The following RBM34 variants were observed in gnomAD, a reference collection of about 807,000 sequenced individuals.
RBM34 encodes RNA binding motif protein 34, also known as RNA-binding protein 34.
In RBM34, 39 loss-of-function variants were observed where a neutral mutation model predicts 44.6. That is an observed-to-expected ratio of 0.87 (90% CI 0.68 to 1.14). The LOEUF is 1.14. RBM34 is among the 50% of genes most tolerant of loss of function. RBM34 has a pLI of 0.00. For missense variants in RBM34, 572 were observed against 517.9 expected, an observed-to-expected ratio of 1.10 and a Z score of -1.01; for synonymous variants, 194 against 184.0, an observed-to-expected ratio of 1.05 and a Z score of -0.44.
intron 6 of RBM34, among the ~76,000 whole-genome samples, chr1:235,146,249 A>G (rs1379060969): frequency 6.6e-6 from 1 of 152,114 alleles, no homozygotes; most frequent in Non-Finnish European, 1.5e-5. Context: ...CCCGGCCTTC[A>G]GCATTATTTG....
At chr1:235,140,901 T>C (rs564677992) in intron 6 of RBM34, among the ~76,000 whole-genome samples, 4 of 148,016 alleles carry the variant, frequency 2.7e-5, no homozygotes, top group Non-Finnish European at 4.5e-5. Flanking sequence ...CTTGGAGAAC[T>C]TTTATGTCTA....
At chr1:235,149,388 C>CAAAA (rs1171671362) in intron 5 of RBM34, among the ~76,000 whole-genome samples, 1 of 57,994 alleles carries the variant, frequency 1.7e-5, no homozygotes, top group Non-Finnish European at 3.6e-5. Context: ...GACTCCGTCT[C>CAAAA]AAAAAAAAAA....
At chr1:235,142,043 GCA>G (rs1311510744) in intron 6 of RBM34, among the ~76,000 whole-genome samples, 3 of 152,142 alleles carry the variant, frequency 2.0e-5, no homozygotes, top group African/African-American at 7.2e-5. Flanking sequence ...TCACTCCAGG[GCA>G]CAGAGAAGAC....
intron 6 of RBM34, among the ~76,000 whole-genome samples, chr1:235,148,160 C>T (rs1273192579): frequency 6.6e-6 from 1 of 152,194 alleles, no homozygotes; most frequent in Non-Finnish European, 1.5e-5. Flanking sequence ...ACACTAAAAA[C>T]ATTCTTAAAA....
Position 235,137,880 on chromosome 1 carries a change from T to A in RBM34, c.846A>T (p.Ser282=), listed in dbSNP as rs1261730435. Residue 282 remains serine (S), a synonymous_variant, in exon 8 of 11, where the codon TCA becomes TCT. Coordinates refer to ENST00000408888, the MANE Select transcript of RBM34 (RefSeq NM_015014.4). ...RIRVDLASET[S]SRDKRSVFVG... ...AAACAAATCAAGTACTACTTACAGA[T>A]GAGGTCTCAGATGCGAGATCAACTC... 2 of 1,594,026 alleles carry A rather than the reference T, an allele frequency of 1.3e-6. No individual in the cohort carries two copies. The highest frequency in any genetic ancestry group is 1.7e-5 in the Admixed American group (1 of 59,422).
At chr1:235,140,383 C>A (rs905197671) in intron 6 of RBM34, among the ~76,000 whole-genome samples, 1 of 152,126 alleles carries the variant, frequency 6.6e-6, no homozygotes, top group Non-Finnish European at 1.5e-5. Context: ...TCGGAGCAGC[C>A]GGCCGGCCCT....
chr1:235,154,001 C>T (rs1276302873), intron 4 of RBM34, among the ~76,000 whole-genome samples: 1 of 152,158 alleles, frequency 6.6e-6, no homozygotes, highest in Admixed American at 6.5e-5. Flanking sequence ...AATCCCAGCA[C>T]TTTGGGAGGC....
intron 6 of RBM34, among the ~76,000 whole-genome samples, chr1:235,145,297 T>C (rs78360004): frequency 6.6e-6 from 1 of 151,462 alleles, no homozygotes; most frequent in African/African-American, 2.4e-5. Context: ...TTTTTTTTTT[T>C]GAGATAGGGT....
chr1:235,133,964 G>A (rs1661312034), intron 10 of RBM34, among the ~76,000 whole-genome samples: 1 of 152,150 alleles, frequency 6.6e-6, no homozygotes, highest in South Asian at 2.1e-4. Context: ...CCGTACTTAA[G>A]CAATCCTCCA....
At chr1:235,159,560 A>C (rs1489170792) in intron 3 of RBM34, among the ~76,000 whole-genome samples, 3 of 151,708 alleles carry the variant, frequency 2.0e-5, no homozygotes, top group South Asian at 2.1e-4. Context: ...AAAAAAAAAA[A>C]AAAATTTTTT....
chr1:235,133,578 G>A (rs932411416), intron 10 of RBM34, among the ~76,000 whole-genome samples: 3 of 152,118 alleles, frequency 2.0e-5, no homozygotes, highest in Non-Finnish European at 4.4e-5. Context: ...TGTAGTAATG[G>A]GTTGTTACTG....
At position 235,140,229 on chromosome 1, in the gene RBM34, G is replaced by A. The variant is rs577249767; in HGVS notation, c.702-2055C>T. Among the ~76,000 whole-genome samples the A allele has an allele frequency of 3.9e-5, 6 of 152,352 alleles. No homozygotes were observed. The East Asian group carries it at 1.2e-3, about 29-fold the overall frequency. On this transcript the variant is annotated intron_variant, in intron 6 of 10. Transcript: ENST00000408888. ...GCCCACCGCTGCGCTGTGGGAGCCCGTTTCTGGGCTGGCCAAGGCCGGAGC... is the reference window on the plus strand; with the variant it reads ...GCCCACCGCTGCGCTGTGGGAGCCCATTTCTGGGCTGGCCAAGGCCGGAGC...
Position 235,131,819 on chromosome 1 carries a change from CCTT to C in RBM34, c.1184_1186del (p.Glu395del). The C allele has an allele frequency of 5.6e-6, 9 of 1,614,096 alleles. No individual in the cohort carries two copies. The highest frequency in any genetic ancestry group is 7.6e-6 in the Non-Finnish European group (9 of 1,179,996). On this transcript the variant is annotated inframe_deletion, in exon 11 of 11. Transcript: ENST00000408888. Reference sequence around the variant, plus strand: ...TCCAATAAATAAGCTTTTAGGATGTCCTTCTGCAGTTTTGGAAGTAAAATTAAG... The same window carrying C: ...TCCAATAAATAAGCTTTTAGGATGTCCTGCAGTTTTGGAAGTAAAATTAAG...
At chr1:235,139,576 C>G (rs1661587184) in intron 6 of RBM34, among the ~76,000 whole-genome samples, 1 of 152,208 alleles carries the variant, frequency 6.6e-6, no homozygotes, top group African/African-American at 2.4e-5. Context: ...CCGACAACAT[C>G]CAAATCCAAC....
intron 10 of RBM34, among the ~76,000 whole-genome samples, chr1:235,134,255 C>G (rs930491134): frequency 1.3e-5 from 2 of 152,136 alleles, no homozygotes; most frequent in Non-Finnish European, 2.9e-5. Context: ...AACTCCTGGG[C>G]TCAAGTGATC....
At position 235,131,676 on chromosome 1, in the gene RBM34, A is replaced by T; in HGVS notation, c.*37T>A. Reference sequence around the variant, plus strand: ...AGCAGATAATAGCACTTTTATTAGCAGTACTCAGCAGGAAAAGAAAAAGCA... The same window carrying T: ...AGCAGATAATAGCACTTTTATTAGCTGTACTCAGCAGGAAAAGAAAAAGCA... On this transcript the variant is annotated 3_prime_UTR_variant, in exon 11 of 11. Coordinates refer to ENST00000408888, the MANE Select transcript of RBM34 (RefSeq NM_015014.4). 1.3e-6 allele frequency: 2 copies of T among 1,552,966 alleles called. No individual in the cohort carries two copies. The highest frequency in any genetic ancestry group is 8.7e-7 in the Non-Finnish European group (1 of 1,154,836).
At chr1:235,140,499 G>C (rs532077047) in intron 6 of RBM34, among the ~76,000 whole-genome samples, 5 of 152,210 alleles carry the variant, frequency 3.3e-5, no homozygotes, top group Non-Finnish European at 7.4e-5. Flanking sequence ...CGCTACGCTC[G>C]ATTTCTCACC....
rs765777960 is a variant in RBM34, at chr1:235,135,749, T to C, written c.911A>G (p.Glu304Gly). The change falls in exon 10 of 11, where the codon GAG (glutamate) becomes GGG (glycine). Residue 304 changes from glutamate to glycine, a missense_variant. Transcript: ENST00000408888. Reference protein sequence around the residue: ...LPYKVEESAIEKHFLDCGSIM... With the variant: ...LPYKVEESAIGKHFLDCGSIM... ...ACTTCCACAGTCCAGAAAGTGCTTCTCAATGGCAGATTCTTCAACTTCTGA... is the reference window on the plus strand; with the variant it reads ...ACTTCCACAGTCCAGAAAGTGCTTCCCAATGGCAGATTCTTCAACTTCTGA... 2 of 1,614,114 alleles carry C rather than the reference T, an allele frequency of 1.2e-6. No individual in the cohort carries two copies. The highest frequency in any genetic ancestry group is 2.2e-5 in the South Asian group (2 of 91,078).
intron 3 of RBM34, among the ~76,000 whole-genome samples, chr1:235,155,866 T>TATATACAC (rs1484124143): frequency 2.9e-5 from 1 of 34,332 alleles, no homozygotes; most frequent in African/African-American, 1.6e-4. Flanking sequence ...TATATATATA[T>TATATACAC]ACATATATAC....
Sources: allele counts gnomAD v4.1 joint callset (sites outside exome capture counted in the v4.1 genomes callset), GRCh38; gene constraint gnomAD v4.1.1; transcripts MANE v1.5; gene names NCBI Gene and HGNC (gene_info 2026-07-23, HGNC 2026-07-21).